RIMBP2: variants seen among roughly 807,000 people sequenced by gnomAD.
The protein encoded by RIMBP2 is RIMS-binding protein 2.
Under a neutral mutation model 118.6 loss-of-function variants are expected in RIMBP2, and 48 were observed. The ratio of observed to expected loss-of-function variants is 0.40; its 90% CI spans 0.32 to 0.51. RIMBP2 has a LOEUF of 0.51. RIMBP2 is among the 20% of genes least tolerant of loss of function. The probability of loss-of-function intolerance (pLI) is 0.41; values close to 1 mark genes in which losing one functional copy is unlikely to be tolerated. For missense variants in RIMBP2, 1,551 were observed against 1,768.3 expected (o/e 0.88, Z 2.20); for synonymous variants, 762 against 742.9 (o/e 1.03, Z -0.42).
chr12:130,481,743 T>C (rs2082027740), intron 4 of RIMBP2, among the ~76,000 whole-genome samples: 1 of 152,204 alleles, frequency 6.6e-6, no homozygotes, highest in Non-Finnish European at 1.5e-5. Flanking sequence ...TTCCCACGTT[T>C]ACTCCAGCTC....
Position 130,434,774 on chromosome 12 carries a change from G to C in RIMBP2, c.2213C>G (p.Ser738Trp). 1 of 1,613,760 alleles carries C rather than the reference G, an allele frequency of 6.2e-7. No homozygotes were observed. Among genetic ancestry groups the C allele is most frequent in the Non-Finnish European group, 8.5e-7 (1 of 1,179,972 alleles). Residue 738 changes from serine to tryptophan, a missense_variant, in exon 14 of 23, where the codon TCG (serine) becomes TGG (tryptophan). Ser to Trp is a radical substitution (Grantham distance 177). Around this residue, in one of 5 missense-constraint regions of RIMBP2, gnomAD observed 1,038 missense variants for 1,125.1 expected, o/e 0.92. Transcript: ENST00000690449. This position sits in a 1 kb window ranked among gnomAD's most constrained non-coding sequence, Gnocchi z 5.7. Reference protein sequence around the residue: ...DSPDFKRRGASVDDFLKGSEL... With the variant: ...DSPDFKRRGAWVDDFLKGSEL... The stretch of plus-strand genomic sequence containing the variant: ...AGAGCCTTTCAGGAAGTCGTCCACC[G>C]AGGCGCCCCTCCTCTTGAAGTCTGG...
At chr12:130,638,752 T>C (rs1021132906) in intron 1 of RIMBP2, among the ~76,000 whole-genome samples, 2 of 151,020 alleles carry the variant, frequency 1.3e-5, no homozygotes, top group Non-Finnish European at 2.9e-5. Flanking sequence ...AAGGCAAAAC[T>C]ATGGAGATCG....
Position 130,576,983 on chromosome 12 carries a change from A to G in RIMBP2, c.-217+51339T>C, listed in dbSNP as rs1260391558. Among the ~76,000 whole-genome samples the G allele has an allele frequency of 6.6e-6, 1 of 152,120 alleles. No homozygotes were observed. The highest frequency in any genetic ancestry group is 2.4e-5 in the African/African-American group (1 of 41,424). On this transcript the variant is annotated intron_variant, in intron 2 of 22. Coordinates refer to ENST00000690449, the MANE Select transcript of RIMBP2 (RefSeq NM_001393629.1). This position sits in a 1 kb window ranked among gnomAD's most constrained non-coding sequence, Gnocchi z 4.2. ...GCCCAGACCTTCACAGAGGAGACAA[A>G]ATGTCCCGGCTGCAGCCTGAGGTTT...
chr12:130,488,323 GA>G (rs11367115), intron 4 of RIMBP2, among the ~76,000 whole-genome samples: 144,964 of 151,620 alleles, frequency 0.96, 69,647 homozygotes, highest in Non-Finnish European at 1. Context: ...AGTGGATGGC[GA>G]AAAAAAAGTT....
intron 19 of RIMBP2, among the ~76,000 whole-genome samples, chr12:130,408,226 T>C (rs1388298616): frequency 6.6e-6 from 1 of 152,156 alleles, no homozygotes; most frequent in African/African-American, 2.4e-5. Flanking sequence ...GAAGGCCCCA[T>C]AGACACAGTT....
At chr12:130,494,256 G>A (rs979769035) in intron 4 of RIMBP2, among the ~76,000 whole-genome samples, 2 of 152,092 alleles carry the variant, frequency 1.3e-5, no homozygotes, top group African/African-American at 4.8e-5. Flanking sequence ...ATCAGGCCTA[G>A]AAGTTGGCAC....
At chr12:130,644,012 C>T (rs557428147) in intron 1 of RIMBP2, among the ~76,000 whole-genome samples, 88 of 152,208 alleles carry the variant, frequency 5.8e-4, no homozygotes, top group Non-Finnish European at 1.1e-3. Flanking sequence ...AGGCGGCTGG[C>T]ACAGCACATG....
chr12:130,503,316 AACC>A (rs1164262038), intron 4 of RIMBP2, among the ~76,000 whole-genome samples: 1 of 151,966 alleles, frequency 6.6e-6, no homozygotes. Context: ...GAATCTCTTG[AACC>A]CGGGAAGTGG....
Position 130,431,796 on chromosome 12 carries a change from C to G in RIMBP2, c.2253+2938G>C, listed in dbSNP as rs1438964066. On this transcript the variant is annotated intron_variant, in intron 14 of 22. Coordinates refer to ENST00000690449, the MANE Select transcript of RIMBP2 (RefSeq NM_001393629.1). This position sits in a 1 kb window ranked among gnomAD's most constrained non-coding sequence, Gnocchi z 4.0. The stretch of plus-strand genomic sequence containing the variant: ...GTGGGAGGCCCTCGGAAGTGCAGAG[C>G]TGTGTTTCTGCCGCTGTGTTTCTAC... 6.5e-6 allele frequency: 1 copy of G among 154,056 alleles called. No individual in the cohort carries two copies. Among genetic ancestry groups the G allele is most frequent in the African/African-American group, 2.4e-5 (1 of 41,448 alleles). 9.5% of individuals were successfully genotyped at this position (154,056 alleles called of 1,614,324 possible). A position where few individuals can be genotyped will look rare whatever the true frequency, so the allele number is the denominator to read the frequency against.
chr12:130,480,508 G>A (rs2081893381), intron 4 of RIMBP2, among the ~76,000 whole-genome samples: 1 of 152,212 alleles, frequency 6.6e-6, no homozygotes, highest in Non-Finnish European at 1.5e-5. Context: ...GGACCCACAC[G>A]CCTTCCTCCT....
At chr12:130,436,783 G>T (rs994041236) in intron 13 of RIMBP2, 59 bp downstream of exon 13, 16 of 1,301,086 alleles carry the variant, frequency 1.2e-5, no homozygotes, top group East Asian at 6.0e-5. Flanking sequence ...AGATTACAGG[G>T]CCCCGTCCCG....
rs34022523 is a variant in RIMBP2, at chr12:130,489,029, G to A, written c.-3-10013C>T. Among the ~76,000 whole-genome samples, 604 of 152,348 alleles carry A rather than the reference G, an allele frequency of 4.0e-3. 5 individuals carry two copies. Among genetic ancestry groups the A allele is most frequent in the Middle Eastern group, 0.031 (9 of 294 alleles). On this transcript the variant is annotated intron_variant, in intron 4 of 22. Coordinates refer to ENST00000690449, the MANE Select transcript of RIMBP2 (RefSeq NM_001393629.1). ...ACAGAATTCACGGCTAGCATGGGGA[G>A]TTGAGAAAATGGAGCTTAAACAGCC...
intron 1 of RIMBP2, among the ~76,000 whole-genome samples, chr12:130,713,261 GGAAGGAAGGAA>G (rs1950088260): frequency 6.7e-6 from 1 of 149,336 alleles, no homozygotes; most frequent in African/African-American, 2.5e-5. Flanking sequence ...AAGGAAGGAA[GGAAGGAAGGAA>G]GGACTGAGGA....
intron 2 of RIMBP2, among the ~76,000 whole-genome samples, chr12:130,600,538 T>C (rs537132992): frequency 2.3e-4 from 28 of 123,750 alleles, no homozygotes; most frequent in African/African-American, 3.2e-4. Flanking sequence ...ACAGAACCCC[T>C]ACTCTGGCCA....
intron 1 of RIMBP2, chr12:130,658,819 C>A (rs1268065595): frequency 6.6e-6 from 1 of 152,304 alleles, no homozygotes; most frequent in African/African-American, 2.4e-5. Flanking sequence ...GAGTGATGGT[C>A]TTGCACAGGG....
At chr12:130,490,872 A>G (rs773237324) in intron 4 of RIMBP2, among the ~76,000 whole-genome samples, 1 of 152,194 alleles carries the variant, frequency 6.6e-6, no homozygotes, top group Non-Finnish European at 1.5e-5. Flanking sequence ...GCCACACCAT[A>G]AAAGAGGGAG....
intron 4 of RIMBP2, among the ~76,000 whole-genome samples, chr12:130,496,131 T>G (rs2049132394): frequency 6.6e-6 from 1 of 152,202 alleles, no homozygotes; most frequent in African/African-American, 2.4e-5. Context: ...TCTTGAATAG[T>G]AACTCCAGTA....
chr12:130,609,176 ACTGAGTCTGT>A (rs1342753303), intron 2 of RIMBP2, among the ~76,000 whole-genome samples: 1 of 152,082 alleles, frequency 6.6e-6, no homozygotes, highest in African/African-American at 2.4e-5. Flanking sequence ...AAGAAAATGA[ACTGAGTCTGT>A]CGCAAAGCTG....
At chr12:130,463,813 A>C (rs1455282128) in intron 6 of RIMBP2, among the ~76,000 whole-genome samples, 1 of 151,920 alleles carries the variant, frequency 6.6e-6, no homozygotes, top group East Asian at 1.9e-4. Context: ...ATGAGATAGG[A>C]GCTCAGCACA....
Sources: allele counts gnomAD v4.1 joint callset (sites outside exome capture counted in the v4.1 genomes callset), GRCh38; gene constraint gnomAD v4.1.1; regional missense constraint gnomAD v4.1.1; non-coding constraint Gnocchi (gnomAD v3.1); transcripts MANE v1.5; gene names NCBI Gene and HGNC (gene_info 2026-07-23, HGNC 2026-07-21).